The following TSKU variants were observed in gnomAD, a reference collection of about 807,000 sequenced individuals.
The protein encoded by TSKU is tsukushi.
TSKU carries 4 observed loss-of-function variants against 11.2 expected under a neutral mutation model. The ratio of observed to expected loss-of-function variants is 0.36; its 90% CI spans 0.18 to 0.82. The LOEUF is 0.82. Ranked by LOEUF, TSKU falls within the 40% of genes least tolerant of loss-of-function variation. TSKU has a pLI of 0.50. For synonymous variants in TSKU, 220 were observed against 232.2 expected (o/e 0.95, Z 0.48); for missense variants, 407 against 482.5 (o/e 0.84, Z 1.47).
Position 76,796,751 on chromosome 11 carries a change from C to T in TSKU, c.*73C>T. 1 of 1,228,550 alleles carries T rather than the reference C, an allele frequency of 8.1e-7. No homozygotes were observed. Among genetic ancestry groups the T allele is most frequent in the Non-Finnish European group, 1.1e-6 (1 of 917,476 alleles). The allele number at this position is 1,228,550 out of a possible 1,614,324, so 76.1% of individuals were successfully genotyped here. On this transcript the variant is annotated 3_prime_UTR_variant, in exon 2 of 2. Coordinates refer to ENST00000333090, the MANE Select transcript of TSKU (RefSeq NM_015516.4). This position sits in a 1 kb window ranked among gnomAD's most constrained non-coding sequence, Gnocchi z 4.1. ...CCTCAGGTCCCGAGTAACTTATGTT[C>T]AATGTGCCAACACCAGTGGGGAGCC...
In TSKU at chr11:76,796,913, T is replaced by G; in HGVS notation, c.*235T>G. ...CAAACCATGAGCAGAGGGACTTCGA[T>G]GCCAAACCAGACTCGGGTCCCCTCC... On this transcript the variant is annotated 3_prime_UTR_variant, in exon 2 of 2. Transcript: ENST00000333090. This position sits in a 1 kb window ranked among gnomAD's most constrained non-coding sequence, Gnocchi z 4.1. 2.6e-6 allele frequency: 1 copy of G among 381,400 alleles called. No homozygotes were observed. Among genetic ancestry groups the G allele is most frequent in the Non-Finnish European group, 4.9e-6 (1 of 205,666 alleles). The allele number at this position is 381,400 out of a possible 1,614,324, so 23.6% of individuals were successfully genotyped here.
At position 76,785,150 on chromosome 11, in the gene TSKU, C is replaced by G. The variant is rs545217107; in HGVS notation, c.-9+1746C>G. Among the ~76,000 whole-genome samples, 8 of 152,322 alleles carry G rather than the reference C, an allele frequency of 5.3e-5. No individual in the cohort carries two copies. The South Asian group carries it at 6.2e-4, about 12-fold the overall frequency. On this transcript the variant is annotated intron_variant, in intron 1 of 1. Transcript: ENST00000333090. ...GCTTCCACCTACCCTTCCTCCAACA[C>G]CAGGAAAGGCAAAAGCTGATAAATG...
At position 76,796,120 on chromosome 11, in the gene TSKU, C is replaced by T. The variant is rs1194616545; in HGVS notation, c.504C>T (p.Leu168=). The change falls in exon 2 of 2, where the codon CTC becomes CTT. Residue 168 remains leucine, a synonymous_variant. Coordinates refer to ENST00000333090, the MANE Select transcript of TSKU (RefSeq NM_015516.4). The surrounding 1 kb of genome is among the most constrained non-coding windows in gnomAD (Gnocchi z 4.1). ...RALHVDLSHN[L]IHRLVPHPTR... is the part of the protein sequence containing the mutation. The stretch of plus-strand genomic sequence containing the variant: ...TACACGTGGACCTCTCCCACAACCT[C>T]ATTCACCGCCTCGTGCCCCACCCCA... The T allele has an allele frequency of 3.1e-6, 5 of 1,614,034 alleles. No homozygotes were observed.
In TSKU at chr11:76,796,766, A is replaced by G; in HGVS notation, c.*88A>G. ...AACTTATGTTCAATGTGCCAACACC[A>G]GTGGGGAGCCCGCAGGCCTATGTGG... On this transcript the variant is annotated 3_prime_UTR_variant, in exon 2 of 2. Coordinates refer to ENST00000333090, the MANE Select transcript of TSKU (RefSeq NM_015516.4). The surrounding 1 kb of genome is among the most constrained non-coding windows in gnomAD (Gnocchi z 4.1). 9.2e-7 allele frequency: 1 copy of G among 1,085,924 alleles called. No homozygotes were observed. Among genetic ancestry groups the G allele is most frequent in the Non-Finnish European group, 1.3e-6 (1 of 797,970 alleles). 67.3% of individuals were successfully genotyped at this position (1,085,924 alleles called of 1,614,324 possible).
rs776824830 is a variant in TSKU at position 76,796,828 on chromosome 11, T to G, written c.*150T>G. 35 of 556,728 alleles carry G rather than the reference T, an allele frequency of 6.3e-5. No individual in the cohort carries two copies. The highest frequency in any genetic ancestry group is 2.3e-5 in the Non-Finnish European group (8 of 347,620). The allele number at this position is 556,728 out of a possible 1,614,324, so 34.5% of individuals were successfully genotyped here. ...CAGGAGTTGTGGGCCTAGGAGAGGC[T>G]TTGGACCTGGGAGCCACACCTAGGA... is the stretch of plus-strand genomic sequence containing the variant. On this transcript the variant is annotated 3_prime_UTR_variant, in exon 2 of 2. Coordinates refer to ENST00000333090, the MANE Select transcript of TSKU (RefSeq NM_015516.4). The surrounding 1 kb of genome is among the most constrained non-coding windows in gnomAD (Gnocchi z 4.1).
Position 76,797,456 on chromosome 11 carries a change from C to G in TSKU, c.*778C>G, listed in dbSNP as rs1944469313. The stretch of plus-strand genomic sequence containing the variant: ...ACAGGCAAGAGCCTCACAAGTGGGA[C>G]TCTGGGCCTCTGACCAGCTGTGCGG... On this transcript the variant is annotated 3_prime_UTR_variant, in exon 2 of 2. Transcript: ENST00000333090. 6.0e-6 allele frequency: 1 copy of G among 167,224 alleles called. No homozygotes were observed. Among genetic ancestry groups the G allele is most frequent in the Non-Finnish European group, 1.5e-5 (1 of 68,202 alleles). 10.4% of individuals were successfully genotyped at this position (167,224 alleles called of 1,614,324 possible).
rs1944465090 is a variant in TSKU, at chr11:76,797,140, A to C, written c.*462A>C. On this transcript the variant is annotated 3_prime_UTR_variant, in exon 2 of 2. Transcript: ENST00000333090. ...ATAGCCCTTTCTTTGCCATGAGGCC[A>C]TGAGGCCCGCTTCATCCTTTTCTAT... The C allele has an allele frequency of 5.9e-6, 1 of 169,952 alleles. No homozygotes were observed. Among genetic ancestry groups the C allele is most frequent in the Non-Finnish European group, 1.4e-5 (1 of 70,230 alleles). 10.5% of individuals were successfully genotyped at this position (169,952 alleles called of 1,614,324 possible).
Position 76,795,995 on chromosome 11 carries a change from A to G in TSKU, c.379A>G (p.Ser127Gly). Residue 127 changes from serine to glycine, a missense_variant, in exon 2 of 2, where the codon AGC becomes GGC. Physicochemically the swap from Ser to Gly is moderately conservative, Grantham distance 56. Transcript: ENST00000333090. ...HNGLTALPAESFTSSPLSDVN... is the reference protein window; with the variant it reads ...HNGLTALPAEGFTSSPLSDVN... ...TGGCCTGACAGCCCTGCCAGCCGAG[A>G]GCTTCACCAGCTCACCCCTGAGCGA... The G allele has an allele frequency of 6.2e-7, 1 of 1,613,804 alleles. No individual in the cohort carries two copies. The highest frequency in any genetic ancestry group is 1.1e-5 in the South Asian group (1 of 91,044).
rs748320789 is a variant in TSKU at position 76,796,477 on chromosome 11, G to A, written c.861G>A (p.Ser287=). The change falls in exon 2 of 2, where the codon TCG becomes TCA. Residue 287 remains serine (S), a synonymous_variant. Transcript: ENST00000333090. The surrounding 1 kb of genome is among the most constrained non-coding windows in gnomAD (Gnocchi z 4.1). ...GLSSLQELDL[S]GTNLVPLPEA... is the part of the protein sequence containing the mutation. ...GCTCCCTGCAGGAGCTGGACCTTTC[G>A]GGCACCAACCTGGTGCCCCTGCCTG... 24 of 1,612,948 alleles carry A rather than the reference G, an allele frequency of 1.5e-5. No homozygotes were observed. The highest frequency in any genetic ancestry group is 4.5e-5 in the East Asian group (2 of 44,854).
chr11:76,783,275 A>T (rs1944259745), upstream of TSKU: 2 of 149,794 alleles, frequency 1.3e-5, no homozygotes, highest in Middle Eastern at 3.2e-3. Flanking sequence ...GGCGCCCGGC[A>T]GGGGGGAGCC....
intron 1 of TSKU, among the ~76,000 whole-genome samples, chr11:76,784,671 C>G (rs948529466): frequency 6.9e-6 from 1 of 144,434 alleles, no homozygotes; most frequent in Admixed American, 7.3e-5. Flanking sequence ...TCAAGACCTT[C>G]GATTCTTCTT....
intron 1 of TSKU, chr11:76,792,166 A>G (rs1321043241): frequency 6.6e-6 from 1 of 152,210 alleles, no homozygotes; most frequent in Non-Finnish European, 1.5e-5. Flanking sequence ...GTCAAAGGAG[A>G]TCATTTTGGA....
At chr11:76,788,185 G>GAA (rs1382634371) in intron 1 of TSKU, among the ~76,000 whole-genome samples, 2 of 151,910 alleles carry the variant, frequency 1.3e-5, no homozygotes, top group East Asian at 3.9e-4. Flanking sequence ...AGGGTGGGAG[G>GAA]CAGCTCTGTG....
intron 1 of TSKU, among the ~76,000 whole-genome samples, chr11:76,790,436 G>A (rs557395172): frequency 3.3e-5 from 5 of 152,184 alleles, no homozygotes; most frequent in Admixed American, 2.6e-4. Context: ...TGTTTCACAC[G>A]AACGATCTCT....
intron 1 of TSKU, among the ~76,000 whole-genome samples, chr11:76,789,700 G>A (rs1944345986): frequency 6.6e-6 from 1 of 152,166 alleles, no homozygotes; most frequent in Non-Finnish European, 1.5e-5. Context: ...TGCAGGTCAA[G>A]ATTTGGAAAA....
At chr11:76,789,522 G>C (rs1590817791) in intron 1 of TSKU, among the ~76,000 whole-genome samples, 1 of 152,224 alleles carries the variant, frequency 6.6e-6, no homozygotes, top group Non-Finnish European at 1.5e-5. Flanking sequence ...AGCAAACTTA[G>C]AGTCACTGTG....
chr11:76,795,871 G>A lies in TSKU; in HGVS notation c.255G>A (p.Thr85=), dbSNP rs376211704. 31 of 1,613,644 alleles carry A rather than the reference G, an allele frequency of 1.9e-5. No homozygotes were observed. Among genetic ancestry groups the A allele is most frequent in the East Asian group, 1.6e-4 (7 of 44,884 alleles). Residue 85 remains threonine (T), a synonymous_variant, in exon 2 of 2, where the codon ACG becomes ACA. Transcript: ENST00000333090. ...TGTTGGCGGGGCCGGGCTACACGAC[G>A]TTGGCTGGCCTGGATCTCAGCCACA... is the stretch of plus-strand genomic sequence containing the variant. The part of the protein sequence containing the change: ...ESVLAGPGYT[T]LAGLDLSHNL...
chr11:76,792,858 C>G (rs1944392368), intron 1 of TSKU: 1 of 152,820 alleles, frequency 6.5e-6, no homozygotes, highest in Non-Finnish European at 1.5e-5. Flanking sequence ...AATACAACTT[C>G]CCAGAGTTGC....
intron 1 of TSKU, chr11:76,791,679 A>C (rs1373413249): frequency 6.6e-6 from 1 of 152,232 alleles, no homozygotes; most frequent in Non-Finnish European, 1.5e-5. Context: ...GAAGGGGATA[A>C]TTGTTCATTT....
Sources: gnomAD v4.1 joint callset for allele counts (sites outside exome capture counted in the v4.1 genomes callset) on GRCh38, gnomAD v4.1.1 for gene constraint, Gnocchi (gnomAD v3.1) non-coding constraint, MANE v1.5 for transcripts, NCBI Gene and HGNC (gene_info 2026-07-23, HGNC 2026-07-21) for gene names.